Variants in SORBS2 observed in about 807,000 individuals in gnomAD.
The protein encoded by SORBS2 is sorbin and SH3 domain containing 2.
Under a neutral mutation model 97.7 loss-of-function variants are expected in SORBS2, and 46 were observed. The ratio of observed to expected loss-of-function variants is 0.47; its 90% CI spans 0.37 to 0.60. The LOEUF (loss-of-function observed/expected upper bound fraction) is 0.60. Among genes scored for constraint, SORBS2 ranks in the 20% least tolerant of loss-of-function variants. The pLI, the probability that SORBS2 is intolerant of heterozygous loss-of-function variation, is 0.00. For synonymous variants in SORBS2, 476 were observed against 473.4 expected, an observed-to-expected ratio of 1.01 and a Z score of -0.07; for missense variants, 1,316 against 1,282.3, an observed-to-expected ratio of 1.03 and a Z score of -0.40.
intron 2 of SORBS2, among the ~76,000 whole-genome samples, chr4:185,696,168 C>T (rs1422818357): frequency 1.3e-5 from 2 of 152,054 alleles, no homozygotes; most frequent in Non-Finnish European, 2.9e-5. Context: ...TATGAGAATA[C>T]GCGGAGTGTT....
Position 185,951,358 on chromosome 4 carries a change from C to A in SORBS2, c.-338+4838G>T, listed in dbSNP as rs139275443. Among the ~76,000 whole-genome samples the A allele has an allele frequency of 9.6e-3, 1,454 of 152,230 alleles. 27 individuals are homozygous for A. Among genetic ancestry groups the A allele is most frequent in the African/African-American group, 0.033 (1,386 of 41,514 alleles). ...TGTTCTCTGATGACTAGCGTGGGAT[C>A]CATCACCCTGCCTCCTAATCCAGGG... is the stretch of plus-strand genomic sequence containing the variant. On this transcript the variant is annotated intron_variant, in intron 1 of 20. Transcript: ENST00000284776.
chr4:185,781,868 A>G (rs954605306), intron 1 of SORBS2, among the ~76,000 whole-genome samples: 2 of 152,270 alleles, frequency 1.3e-5, no homozygotes, highest in Non-Finnish European at 2.9e-5. Context: ...CCACCAGCGT[A>G]GCCCCGCCAC....
chr4:185,792,559 G>GAA (rs1464112112), intron 1 of SORBS2, among the ~76,000 whole-genome samples: 27 of 151,676 alleles, frequency 1.8e-4, no homozygotes, highest in African/African-American at 6.0e-4. Flanking sequence ...AGGAAGGAAG[G>GAA]GGAGGAGGGA....
At chr4:185,847,468 C>G (rs141274765) in intron 1 of SORBS2, among the ~76,000 whole-genome samples, 38 of 152,206 alleles carry the variant, frequency 2.5e-4, no homozygotes, top group Admixed American at 3.9e-4. Context: ...CAATGGTGAA[C>G]AATTATAGCT....
intron 12 of SORBS2, among the ~76,000 whole-genome samples, chr4:185,600,463 C>A (rs529482409): frequency 4.0e-4 from 61 of 152,258 alleles, no homozygotes; most frequent in Admixed American, 1.1e-3. Context: ...CTCAGCCTCC[C>A]GAGTAGCTGG....
intron 1 of SORBS2, among the ~76,000 whole-genome samples, chr4:185,879,197 G>C: frequency 3.3e-5 from 4 of 122,516 alleles, no homozygotes. Context: ...AGGCCCCGGT[G>C]TGTGATGTTC....
chr4:185,698,973 G>T (rs1044958372), intron 2 of SORBS2, among the ~76,000 whole-genome samples: 2 of 151,960 alleles, frequency 1.3e-5, no homozygotes, highest in East Asian at 1.9e-4. Context: ...AAATAAGCCT[G>T]CTTATTGTTA....
At chr4:185,871,138 A>G (rs1187722004) in intron 1 of SORBS2, among the ~76,000 whole-genome samples, 3 of 152,220 alleles carry the variant, frequency 2.0e-5, no homozygotes, top group African/African-American at 7.2e-5. Flanking sequence ...TCGTCTTTAA[A>G]TAGTGTACAT....
intron 4 of SORBS2, among the ~76,000 whole-genome samples, chr4:185,662,607 A>G (rs906707074): frequency 2.6e-5 from 4 of 152,188 alleles, no homozygotes; most frequent in African/African-American, 9.6e-5. Flanking sequence ...CAATCAGAAC[A>G]CGGTGGTGCT....
intron 2 of SORBS2, chr4:185,761,369 C>T (rs529577266): frequency 6.6e-6 from 1 of 152,348 alleles, no homozygotes; most frequent in South Asian, 2.1e-4. Context: ...GAAGCAAATA[C>T]AACAATATCT....
At chr4:185,808,744 G>A (rs527633310) in intron 1 of SORBS2, among the ~76,000 whole-genome samples, 24 of 152,122 alleles carry the variant, frequency 1.6e-4, no homozygotes, top group Admixed American at 3.9e-4. Flanking sequence ...TCCAGTTCAC[G>A]ACCTTTACTT....
Position 185,607,017 on chromosome 4 carries a change from C to A in SORBS2, c.2796+4763G>T. ...CTGCATGGTAAGGCTGGGCTGCAGC[C>A]GAGGCCACACCCGCGTGAGTGGAAG... On this transcript the variant is annotated intron_variant, in intron 12 of 14. Transcript: ENST00000418609. This position sits in a 1 kb window ranked among gnomAD's most constrained non-coding sequence, Gnocchi z 5.2. 9.9e-7 allele frequency: 1 copy of A among 1,012,860 alleles called. No homozygotes were observed. The highest frequency in any genetic ancestry group is 4.8e-4 in the Middle Eastern group (1 of 2,076). The allele number at this position is 1,012,860 out of a possible 1,614,324, so 62.7% of individuals were successfully genotyped here.
chr4:185,816,874 T>G (rs908427938), intron 1 of SORBS2, among the ~76,000 whole-genome samples: 16 of 152,104 alleles, frequency 1.1e-4, no homozygotes, highest in African/African-American at 3.9e-4. Flanking sequence ...TTCAACAAAC[T>G]GGAGAGAAAG....
intron 1 of SORBS2, among the ~76,000 whole-genome samples, chr4:185,910,934 T>C (rs1379759803): frequency 6.6e-6 from 1 of 152,040 alleles, no homozygotes; most frequent in African/African-American, 2.4e-5. Flanking sequence ...ACTCGTTTCT[T>C]ATATACAATG....
intron 2 of SORBS2, among the ~76,000 whole-genome samples, chr4:185,750,076 C>T (rs1387982051): frequency 1.3e-5 from 2 of 152,246 alleles, no homozygotes; most frequent in Admixed American, 6.5e-5. Context: ...TGCAGAAAGA[C>T]ACTACGTGCA....
chr4:185,614,812 A>C lies in SORBS2; in HGVS notation c.2595+19T>G. Reference sequence around the variant, plus strand: ...AACAAACAAACAAAAACAAACAAACAAAAAACCAGCTGGGCTACCTTTCTC... The same window carrying C: ...AACAAACAAACAAAAACAAACAAACCAAAAACCAGCTGGGCTACCTTTCTC... On this transcript the variant is annotated intron_variant, in intron 11 of 14. Coordinates refer to ENST00000418609, the Ensembl canonical transcript of SORBS2. The C allele has an allele frequency of 6.2e-7, 1 of 1,613,052 alleles. No individual in the cohort carries two copies. Among genetic ancestry groups the C allele is most frequent in the Non-Finnish European group, 8.5e-7 (1 of 1,179,574 alleles).
chr4:185,788,701 C>G (rs2099067308), intron 1 of SORBS2, among the ~76,000 whole-genome samples: 1 of 152,182 alleles, frequency 6.6e-6, no homozygotes, highest in East Asian at 1.9e-4. Flanking sequence ...AGACTCAATT[C>G]AAGCCACCCT....
intron 1 of SORBS2, among the ~76,000 whole-genome samples, chr4:185,888,018 A>G (rs931966614): frequency 6.6e-6 from 1 of 151,200 alleles, no homozygotes; most frequent in Admixed American, 6.6e-5. Flanking sequence ...TCTTTTCATT[A>G]TAATTATTGG....
At position 185,623,928 on chromosome 4, in the gene SORBS2, A is replaced by G; in HGVS notation, c.1201T>C (p.Ser401Pro). Residue 401 changes from serine (S) to proline (P), a missense_variant, in exon 7 of 15, where the codon TCC becomes CCC. Coordinates refer to ENST00000418609, the Ensembl canonical transcript of SORBS2. The surrounding 1 kb of genome is among the most constrained non-coding windows in gnomAD (Gnocchi z 6.4). ...ATGTCCCGGGGCACCTCCTCCGTGG[A>G]GCACTGGCTCCAGGCGCGCAGCAGG... 6.2e-7 allele frequency: 1 copy of G among 1,614,162 alleles called. No individual in the cohort carries two copies. The highest frequency in any genetic ancestry group is 8.5e-7 in the Non-Finnish European group (1 of 1,180,034).
Sources: allele counts gnomAD v4.1 joint callset (sites outside exome capture counted in the v4.1 genomes callset), GRCh38; gene constraint gnomAD v4.1.1; non-coding constraint Gnocchi (gnomAD v3.1); transcripts MANE v1.5; gene names NCBI Gene and HGNC (gene_info 2026-07-23, HGNC 2026-07-21).